CCDC50: variants seen among roughly 807,000 people sequenced by gnomAD.
CCDC50 encodes the protein coiled-coil domain-containing protein 50.
In CCDC50, 54 loss-of-function variants were observed where a neutral mutation model predicts 70.2. The observed-to-expected ratio is 0.77, with a 90% CI of 0.62 to 0.96. The LOEUF is 0.96. CCDC50 is among the 50% of genes least tolerant of loss of function. The pLI, the probability that CCDC50 is intolerant of heterozygous loss-of-function variation, is 0.00. For synonymous variants in CCDC50, 216 were observed against 198.8 expected (o/e 1.09, Z -0.73); for missense variants, 558 against 578.7 (o/e 0.96, Z 0.37).
chr3:191,357,679 TAATA>T (rs1458349329), intron 2 of CCDC50, among the ~76,000 whole-genome samples: 3 of 152,228 alleles, frequency 2.0e-5, no homozygotes, highest in Admixed American at 6.5e-5. Context: ...AAAATGCGGT[TAATA>T]AATAGAGTGA....
intron 1 of CCDC50, among the ~76,000 whole-genome samples, chr3:191,342,696 T>C (rs1418871361): frequency 6.6e-6 from 1 of 152,140 alleles, no homozygotes; most frequent in Non-Finnish European, 1.5e-5. Context: ...TGAGGGCTTG[T>C]GTAAGTGCCA....
chr3:191,380,277 G>T lies in CCDC50; in HGVS notation c.1092+3G>T. ...AACTGCAAGAAGAAGAACTTTTGGT[G>T]AGCAAATTTTAAGGCAAAAGTTTAG... is the stretch of plus-strand genomic sequence containing the variant. On this transcript the variant is annotated splice_donor_region_variant and intron_variant, in intron 7 of 11. Coordinates refer to ENST00000392455, the MANE Select transcript of CCDC50 (RefSeq NM_178335.3). The T allele has an allele frequency of 6.3e-7, 1 of 1,595,948 alleles. No homozygotes were observed. Among genetic ancestry groups the T allele is most frequent in the Middle Eastern group, 1.7e-4 (1 of 6,014 alleles).
chr3:191,366,369 A>C (rs1390372751), intron 4 of CCDC50, among the ~76,000 whole-genome samples: 1 of 152,066 alleles, frequency 6.6e-6, no homozygotes, highest in Non-Finnish European at 1.5e-5. Flanking sequence ...TATGGTTTCA[A>C]ATTTTCCAGA....
At chr3:191,354,827 T>G (rs1712225414) in intron 1 of CCDC50, among the ~76,000 whole-genome samples, 1 of 152,170 alleles carries the variant, frequency 6.6e-6, no homozygotes, top group African/African-American at 2.4e-5. Flanking sequence ...CAGCCCCTAA[T>G]ATAAAATGGG....
intron 1 of CCDC50, among the ~76,000 whole-genome samples, chr3:191,337,292 T>G (rs1209802569): frequency 6.6e-6 from 1 of 152,242 alleles, no homozygotes; most frequent in African/African-American, 2.4e-5. Flanking sequence ...TTTGCTTTAA[T>G]ATAATGATGC....
rs921039078 is a variant in CCDC50, at chr3:191,382,792, A to G, written c.1289A>G (p.Glu430Gly). Reference protein sequence around the residue: ...AANSKSKESDEPHHSKNERPA... With the variant: ...AANSKSKESDGPHHSKNERPA... Reference sequence around the variant, plus strand: ...AATTCCAAGTCAAAAGAGAGTGATGAACCTCACCATTCTAAGAATGAAAGG... The same window carrying G: ...AATTCCAAGTCAAAAGAGAGTGATGGACCTCACCATTCTAAGAATGAAAGG... Residue 430 changes from glutamate (E) to glycine (G), a missense_variant, in exon 10 of 12, where the codon GAA (glutamate) becomes GGA (glycine). Glu to Gly is a moderately conservative substitution (Grantham distance 98, BLOSUM62 -2). Coordinates refer to ENST00000392455, the MANE Select transcript of CCDC50 (RefSeq NM_178335.3). 3 of 1,613,068 alleles carry G rather than the reference A, an allele frequency of 1.9e-6. No homozygotes were observed. The highest frequency in any genetic ancestry group is 2.7e-5 in the African/African-American group (2 of 74,868).
intron 1 of CCDC50, among the ~76,000 whole-genome samples, chr3:191,339,074 A>G (rs144020563): frequency 0.014 from 2,069 of 152,304 alleles, 57 homozygotes; most frequent in African/African-American, 0.047. Context: ...ATGTATTTTT[A>G]AAATTCTTGA....
At chr3:191,379,793 T>G (rs780039111) in intron 6 of CCDC50, among the ~76,000 whole-genome samples, 2 of 152,172 alleles carry the variant, frequency 1.3e-5, no homozygotes, top group Non-Finnish European at 2.9e-5. Context: ...AAACTCTGAC[T>G]CTGTAATTTG....
Position 191,364,384 on chromosome 3 carries a change from C to G in CCDC50, c.330+3225C>G, listed in dbSNP as rs1454063063. Among the ~76,000 whole-genome samples, 5 of 150,274 alleles carry G rather than the reference C, an allele frequency of 3.3e-5. No homozygotes were observed. In the East Asian group the frequency reaches 9.8e-4, roughly 29 times the overall value. On this transcript the variant is annotated intron_variant, in intron 4 of 11. Coordinates refer to ENST00000392455, the MANE Select transcript of CCDC50 (RefSeq NM_178335.3). ...GCCCGGCCTCCTTTTTTTTTTTTTC[C>G]CCTTCCCTCTCAATGCTCTTCTGCT...
intron 1 of CCDC50, among the ~76,000 whole-genome samples, chr3:191,346,750 G>T (rs1351144323): frequency 6.6e-6 from 1 of 152,168 alleles, no homozygotes; most frequent in Non-Finnish European, 1.5e-5. Flanking sequence ...GGAAAAATGG[G>T]CTGTGTTTTA....
intron 10 of CCDC50, among the ~76,000 whole-genome samples, chr3:191,384,992 T>C (rs1488685530): frequency 6.6e-6 from 1 of 152,192 alleles, no homozygotes. Flanking sequence ...GCAAATGATA[T>C]GATTTCATTC....
intron 4 of CCDC50, among the ~76,000 whole-genome samples, chr3:191,364,327 A>T (rs1330518002): frequency 6.6e-6 from 1 of 151,290 alleles, no homozygotes. Flanking sequence ...TCAGCCTCCC[A>T]AAGTGCTGAG....
intron 1 of CCDC50, among the ~76,000 whole-genome samples, chr3:191,329,999 C>T (rs1203124998): frequency 6.6e-6 from 1 of 151,000 alleles, no homozygotes; most frequent in East Asian, 1.9e-4. Flanking sequence ...CCCGTGTTCT[C>T]GTGCATCGCA....
At chr3:191,387,015 G>T (rs1462232471) in intron 10 of CCDC50, among the ~76,000 whole-genome samples, 2 of 151,972 alleles carry the variant, frequency 1.3e-5, no homozygotes, top group Non-Finnish European at 2.9e-5. Flanking sequence ...TATTCCTTGT[G>T]CATTCTTATT....
chr3:191,366,693 G>A (rs1345552416), intron 4 of CCDC50, among the ~76,000 whole-genome samples: 1 of 151,392 alleles, frequency 6.6e-6, no homozygotes, highest in Admixed American at 6.6e-5. Flanking sequence ...TTCTTTTAAA[G>A]TTTTAAAATG....
intron 1 of CCDC50, among the ~76,000 whole-genome samples, chr3:191,337,954 T>C (rs759747160): frequency 5.9e-5 from 9 of 152,144 alleles, no homozygotes; most frequent in Non-Finnish European, 8.8e-5. Flanking sequence ...TATCACCAAA[T>C]TTTTCATCTT....
At chr3:191,380,968 A>T in intron 9 of CCDC50, 36 bp downstream of exon 9, 1 of 1,528,962 alleles carries the variant, frequency 6.5e-7, no homozygotes, top group Non-Finnish European at 9.0e-7. Flanking sequence ...AATTAGAAAT[A>T]AAATTAGAAA....
At chr3:191,380,972 T>C (rs1283465389) in intron 9 of CCDC50, 40 bp downstream of exon 9, 13 of 1,524,880 alleles carry the variant, frequency 8.5e-6, no homozygotes, top group Non-Finnish European at 1.2e-5. Flanking sequence ...AGAAATAAAA[T>C]TAGAAATGAA....
intron 1 of CCDC50, among the ~76,000 whole-genome samples, chr3:191,332,605 G>T (rs966993985): frequency 1.3e-5 from 2 of 152,194 alleles, no homozygotes; most frequent in African/African-American, 4.8e-5. Context: ...TGCAATTTGC[G>T]AATGTTAGGG....
Sources: gnomAD v4.1 joint callset for allele counts (sites outside exome capture counted in the v4.1 genomes callset) on GRCh38, gnomAD v4.1.1 for gene constraint, MANE v1.5 for transcripts, NCBI Gene and HGNC (gene_info 2026-07-23, HGNC 2026-07-21) for gene names.